ZNF549: variants seen among roughly 807,000 people sequenced by gnomAD.
ZNF549 encodes zinc finger protein 549.
ZNF549 carries 11 observed loss-of-function variants against 11.1 expected under a neutral mutation model. That is an observed-to-expected ratio of 0.99 (90% CI 0.62 to 1.64). ZNF549 has a LOEUF of 1.64. Ranked by LOEUF, ZNF549 falls within the 40% of genes most tolerant of loss-of-function variation. ZNF549 has a pLI of 0.00. For synonymous variants in ZNF549, 266 were observed against 269.1 expected (o/e 0.99, Z 0.11); for missense variants, 748 against 765.1 (o/e 0.98, Z 0.26).
chr19:57,532,221 T>C (rs1331554376), intron 2 of ZNF549, among the ~76,000 whole-genome samples: 2 of 152,220 alleles, frequency 1.3e-5, no homozygotes, highest in Non-Finnish European at 2.9e-5. Flanking sequence ...TATTAAGATG[T>C]GTTTTATAAC....
In ZNF549 at chr19:57,539,728, C is replaced by G. The variant is rs984216325; in HGVS notation, c.*801C>G. On this transcript the variant is annotated 3_prime_UTR_variant, in exon 4 of 4. Transcript: ENST00000376233. ...ATGCTTCATATTTCCCAGCACTGTT[C>G]ATGGTATCTTATTTCCCAGGTCCTT... 1 of 152,142 alleles carries G rather than the reference C, an allele frequency of 6.6e-6. No individual in the cohort carries two copies. The highest frequency in any genetic ancestry group is 2.4e-5 in the African/African-American group (1 of 41,420). 9.4% of individuals were successfully genotyped at this position (152,142 alleles called of 1,614,324 possible).
intron 3 of ZNF549, 140 bp from the exon 4 acceptor site, chr19:57,537,056 TGCACTCCC>T: frequency 1.2e-6 from 1 of 865,252 alleles, no homozygotes; most frequent in Non-Finnish European, 1.7e-6. Context: ...TGACTGCAAC[TGCACTCCC>T]ATCTGGGTGA....
In ZNF549 at chr19:57,538,202, T is replaced by C; in HGVS notation, c.1198T>C (p.Tyr400His). Residue 400 changes from tyrosine to histidine, a missense_variant, in exon 4 of 4, where the codon TAC becomes CAC. Transcript: ENST00000376233. ...QCSECGKSFI[Y>H]KQSLLDHHRI... ...CAGTGAATGTGGGAAATCCTTCATA[T>C]ACAAACAGTCACTTCTTGATCACCA... is the stretch of plus-strand genomic sequence containing the variant. The C allele has an allele frequency of 3.7e-6, 6 of 1,613,990 alleles. No homozygotes were observed. In the South Asian group the frequency reaches 5.5e-5, roughly 15 times the overall value.
intron 1 of ZNF549, 122 bp downstream of exon 1, chr19:57,527,728 C>G: frequency 8.1e-7 from 1 of 1,229,598 alleles, no homozygotes; most frequent in Non-Finnish European, 1.2e-6. Flanking sequence ...GTGGGGTCCT[C>G]AGAGCTGACG....
intron 2 of ZNF549, among the ~76,000 whole-genome samples, chr19:57,532,689 A>G (rs1261607421): frequency 2.6e-5 from 4 of 152,202 alleles, no homozygotes; most frequent in African/African-American, 7.2e-5. Flanking sequence ...TGAGCTTGAG[A>G]ACAGCATGTA....
At chr19:57,530,834 A>T (rs757609428) in intron 1 of ZNF549, among the ~76,000 whole-genome samples, 1 of 152,060 alleles carries the variant, frequency 6.6e-6, no homozygotes, top group Non-Finnish European at 1.5e-5. Context: ...ATGTTTACAG[A>T]AATCTTAATG....
chr19:57,539,126 T>C lies in ZNF549; in HGVS notation c.*199T>C. 1 of 597,912 alleles carries C rather than the reference T, an allele frequency of 1.7e-6. No homozygotes were observed. Among genetic ancestry groups the C allele is most frequent in the Non-Finnish European group, 2.9e-6 (1 of 346,950 alleles). 37.0% of individuals were successfully genotyped at this position (597,912 alleles called of 1,614,324 possible). On this transcript the variant is annotated 3_prime_UTR_variant, in exon 4 of 4. Coordinates refer to ENST00000376233, the MANE Select transcript of ZNF549 (RefSeq NM_001199295.2). ...ATCTGCCCAGTGTTACAACAGACAC[T>C]ACCATGTGGCATATCCTCACCGTTT...
rs776685487 is a variant in ZNF549 at position 57,527,422 on chromosome 19, A to G, written c.-152A>G. 5.3e-6 allele frequency: 6 copies of G among 1,131,838 alleles called. No homozygotes were observed. The highest frequency in any genetic ancestry group is 7.7e-6 in the Non-Finnish European group (6 of 779,558). The allele number at this position is 1,131,838 out of a possible 1,614,324, so 70.1% of individuals were successfully genotyped here. Reference sequence around the variant, plus strand: ...CGGCTCGCTGGGTCCGGGCCAGGTAACTGGAGCCGGAAACCGGTGGAGGTG... The same window carrying G: ...CGGCTCGCTGGGTCCGGGCCAGGTAGCTGGAGCCGGAAACCGGTGGAGGTG... On this transcript the variant is annotated 5_prime_UTR_variant, in exon 1 of 4. Transcript: ENST00000376233.
intron 2 of ZNF549, among the ~76,000 whole-genome samples, chr19:57,534,701 A>G (rs1248503557): frequency 6.6e-6 from 1 of 152,158 alleles, no homozygotes; most frequent in African/African-American, 2.4e-5. Context: ...TGGGTCTAAC[A>G]AAGATGTGAG....
Position 57,540,305 on chromosome 19 carries a change from G to C in ZNF549, c.*1378G>C, listed in dbSNP as rs976912782. The C allele has an allele frequency of 3.1e-4, 47 of 152,324 alleles. No individual in the cohort carries two copies. Among genetic ancestry groups the C allele is most frequent in the African/African-American group, 1.0e-3 (42 of 41,566 alleles). 9.4% of individuals were successfully genotyped at this position (152,324 alleles called of 1,614,324 possible). ...ATAGTCTGGTTTTCCAAAAGGAGAGGTAGATGCATATTTTTGTGTGGAACC... is the reference window on the plus strand; with the variant it reads ...ATAGTCTGGTTTTCCAAAAGGAGAGCTAGATGCATATTTTTGTGTGGAACC... On this transcript the variant is annotated 3_prime_UTR_variant, in exon 4 of 4. Transcript: ENST00000376233.
chr19:57,527,877 A>G (rs570243764), intron 1 of ZNF549, among the ~76,000 whole-genome samples: 61 of 152,324 alleles, frequency 4.0e-4, no homozygotes, highest in Non-Finnish European at 7.8e-4. Flanking sequence ...AATGAGGAGA[A>G]GAAGGCACGG....
Position 57,538,399 on chromosome 19 carries a change from A to G in ZNF549, c.1395A>G (p.Arg465=), listed in dbSNP as rs1568591045. 6.2e-7 allele frequency: 1 copy of G among 1,614,180 alleles called. No homozygotes were observed. The highest frequency in any genetic ancestry group is 1.7e-5 in the Admixed American group (1 of 60,022). ...CGTCTGACTACATGCGACACCAGAG[A>G]ATTCACACTGGAGAAAGGGCTTATG... ...IRSSDYMRHQ[R]IHTGERAYEC... The change falls in exon 4 of 4, where the codon AGA becomes AGG. Residue 465 remains arginine, a synonymous_variant. Transcript: ENST00000376233.
At position 57,537,625 on chromosome 19, in the gene ZNF549, A is replaced by G; in HGVS notation, c.621A>G (p.Gln207=). The change falls in exon 4 of 4, where the codon CAA becomes CAG. Residue 207 remains glutamine, a synonymous_variant. Coordinates refer to ENST00000376233, the MANE Select transcript of ZNF549 (RefSeq NM_001199295.2). The stretch of plus-strand genomic sequence containing the variant: ...AACACCAGACCACCCACAGCAGACA[A>G]GAGTATGCACATAGAAGCAGGGAGA... ...LLQHQTTHSR[Q]EYAHRSRETF... The G allele has an allele frequency of 6.2e-7, 1 of 1,614,234 alleles. No homozygotes were observed.
At chr19:57,531,335 G>A (rs1345040495) in intron 2 of ZNF549, among the ~76,000 whole-genome samples, 1 of 152,192 alleles carries the variant, frequency 6.6e-6, no homozygotes, top group Non-Finnish European at 1.5e-5. Flanking sequence ...GGGCATAGGC[G>A]CCAGCATGTC....
At position 57,537,891 on chromosome 19, in the gene ZNF549, G is replaced by T. The variant is rs1213987682; in HGVS notation, c.887G>T (p.Arg296Ile). 1 of 1,613,726 alleles carries T rather than the reference G, an allele frequency of 6.2e-7. No individual in the cohort carries two copies. The highest frequency in any genetic ancestry group is 1.7e-5 in the Admixed American group (1 of 60,002). The stretch of plus-strand genomic sequence containing the variant: ...CAAACACTCGTTGGGCACCAGCAGA[G>T]AATTCACACTAGAGAAAGGTCTTAT... ...HKQTLVGHQQ[R>I]IHTRERSYVC... The change falls in exon 4 of 4, where the codon AGA becomes ATA. Residue 296 changes from arginine (R) to isoleucine (I), a missense_variant. By Grantham distance (97) the Arg-to-Ile change is moderately conservative. Coordinates refer to ENST00000376233, the MANE Select transcript of ZNF549 (RefSeq NM_001199295.2).
intron 3 of ZNF549, among the ~76,000 whole-genome samples, chr19:57,536,585 A>G (rs936638888): frequency 2.0e-5 from 3 of 152,184 alleles, no homozygotes; most frequent in Non-Finnish European, 4.4e-5. Context: ...CACACATTCT[A>G]TGCAGGTCTC....
At position 57,538,924 on chromosome 19, in the gene ZNF549, C is replaced by T. The variant is rs1270031166; in HGVS notation, c.1920C>T (p.Pro640=). ...RHQKVHITEE[P] ...AGAAGGTACATATAACAGAAGAGCC[C>T]TAGCAATTGTTGGGATGTGTAATTG... Residue 640 remains proline (P), a synonymous_variant, in exon 4 of 4, where the codon CCC becomes CCT. Coordinates refer to ENST00000376233, the MANE Select transcript of ZNF549 (RefSeq NM_001199295.2). 1 of 1,596,248 alleles carries T rather than the reference C, an allele frequency of 6.3e-7. No homozygotes were observed. Among genetic ancestry groups the T allele is most frequent in the African/African-American group, 1.3e-5 (1 of 74,658 alleles).
chr19:57,536,878 TA>T (rs1224752446), intron 3 of ZNF549, among the ~76,000 whole-genome samples: 1 of 152,132 alleles, frequency 6.6e-6, no homozygotes, highest in African/African-American at 2.4e-5. Flanking sequence ...TCACTTGAGC[TA>T]AGGAATTTGA....
At chr19:57,536,641 A>G (rs1224913381) in intron 3 of ZNF549, among the ~76,000 whole-genome samples, 1 of 152,080 alleles carries the variant, frequency 6.6e-6, no homozygotes, top group African/African-American at 2.4e-5. Context: ...ATTGACAGAG[A>G]AGGGAGTTGT....
Sources: gnomAD v4.1 joint callset for allele counts (sites outside exome capture counted in the v4.1 genomes callset) on GRCh38, gnomAD v4.1.1 for gene constraint, MANE v1.5 for transcripts, NCBI Gene and HGNC (gene_info 2026-07-23, HGNC 2026-07-21) for gene names.